The following GRM8 variants were observed in gnomAD, a reference collection of about 807,000 sequenced individuals.
GRM8 encodes the protein metabotropic glutamate receptor 8.
Under a neutral mutation model 87.2 loss-of-function variants are expected in GRM8, and 47 were observed. That is an observed-to-expected ratio of 0.54 (90% CI 0.43 to 0.69). The LOEUF is 0.69. Among genes scored for constraint, GRM8 ranks in the 30% least tolerant of loss-of-function variants. The pLI is 0.00. For synonymous variants in GRM8, 396 were observed against 404.5 expected (o/e 0.98, Z 0.25); for missense variants, 1,019 against 1,139.2 (o/e 0.89, Z 1.52).
chr7:126,763,568 CAT>C (rs917325127), intron 7 of GRM8, among the ~76,000 whole-genome samples: 225 of 150,630 alleles, frequency 1.5e-3, no homozygotes, highest in Non-Finnish European at 2.3e-3. Context: ...TCATTTATCA[CAT>C]GTCTATTTTG....
At chr7:126,772,918 G>A (rs1164356827) in intron 6 of GRM8, among the ~76,000 whole-genome samples, 2 of 152,038 alleles carry the variant, frequency 1.3e-5, no homozygotes, top group Non-Finnish European at 2.9e-5. Context: ...ATGTCAGAGG[G>A]CTAATTTAAT....
chr7:126,983,185 A>G (rs1400024651), intron 3 of GRM8, among the ~76,000 whole-genome samples: 1 of 152,084 alleles, frequency 6.6e-6, no homozygotes, highest in Non-Finnish European at 1.5e-5. Context: ...TGGAACTAAG[A>G]CTTCTAGGCC....
chr7:126,910,836 G>A (rs1179489088), intron 3 of GRM8, among the ~76,000 whole-genome samples: 2 of 152,134 alleles, frequency 1.3e-5, no homozygotes, highest in East Asian at 3.9e-4. Context: ...TGTATGTATT[G>A]ATTTGCTAGT....
chr7:126,613,582 C>T (rs984948660), intron 7 of GRM8, among the ~76,000 whole-genome samples: 7 of 152,172 alleles, frequency 4.6e-5, no homozygotes, highest in Admixed American at 2.0e-4. Flanking sequence ...GGCGAGGCAT[C>T]GCCTCACCCG....
At chr7:127,032,891 A>G (rs1443707790) in intron 3 of GRM8, among the ~76,000 whole-genome samples, 1 of 152,016 alleles carries the variant, frequency 6.6e-6, no homozygotes, top group African/African-American at 2.4e-5. Context: ...TGAATTGAAA[A>G]GCATCTTTTG....
intron 3 of GRM8, among the ~76,000 whole-genome samples, chr7:127,085,147 C>T (rs920950774): frequency 6.6e-6 from 1 of 152,138 alleles, no homozygotes; most frequent in African/African-American, 2.4e-5. Flanking sequence ...TGAACTCATC[C>T]TTTTTTATGG....
At chr7:126,905,244 G>A (rs1802556943) in intron 3 of GRM8, among the ~76,000 whole-genome samples, 1 of 152,152 alleles carries the variant, frequency 6.6e-6, no homozygotes, top group Non-Finnish European at 1.5e-5. Flanking sequence ...CCCCAAAGAT[G>A]CCAACTTTGG....
chr7:126,888,400 A>AAAAACC (rs1800695574), intron 6 of GRM8, among the ~76,000 whole-genome samples: 1 of 152,086 alleles, frequency 6.6e-6, no homozygotes, highest in Non-Finnish European at 1.5e-5. Context: ...ACTGAATCAG[A>AAAAACC]GAAACCGAAA....
chr7:126,948,726 C>T (rs1183852761), intron 3 of GRM8, among the ~76,000 whole-genome samples: 1 of 152,132 alleles, frequency 6.6e-6, no homozygotes, highest in African/African-American at 2.4e-5. Flanking sequence ...TGCCATTCAT[C>T]ATCAATGACG....
chr7:126,708,784 G>T (rs1376813663), intron 7 of GRM8, among the ~76,000 whole-genome samples: 1 of 152,092 alleles, frequency 6.6e-6, no homozygotes, highest in East Asian at 1.9e-4. Flanking sequence ...GAGTACAATG[G>T]TGGTTACACC....
chr7:127,047,767 G>A (rs1819084225), intron 3 of GRM8, among the ~76,000 whole-genome samples: 1 of 152,164 alleles, frequency 6.6e-6, no homozygotes, highest in Non-Finnish European at 1.5e-5. Context: ...AGAGGTTGAG[G>A]TTAAGGCTGT....
At chr7:126,497,952 T>C (rs776276153) in intron 9 of GRM8, among the ~76,000 whole-genome samples, 3 of 151,920 alleles carry the variant, frequency 2.0e-5, no homozygotes, top group Admixed American at 6.6e-5. Context: ...AAGGGAATAA[T>C]TGGAGTGCAA....
chr7:126,536,888 T>A (rs1335858972), intron 8 of GRM8, among the ~76,000 whole-genome samples: 2 of 152,038 alleles, frequency 1.3e-5, no homozygotes, highest in Non-Finnish European at 2.9e-5. Context: ...ATTGGAAACA[T>A]TAAACTTCAA....
At chr7:126,969,312 T>C (rs1325587527) in intron 3 of GRM8, among the ~76,000 whole-genome samples, 1 of 152,184 alleles carries the variant, frequency 6.6e-6, no homozygotes, top group Admixed American at 6.5e-5. Flanking sequence ...TGTGATGCTG[T>C]TACAGCATTT....
intron 6 of GRM8, among the ~76,000 whole-genome samples, chr7:126,825,766 A>G (rs1192737927): frequency 1.3e-5 from 2 of 152,204 alleles, no homozygotes; most frequent in African/African-American, 4.8e-5. Context: ...CAGGTGCACA[A>G]TGTGCAGGTT....
chr7:126,911,701 C>G (rs1180238999), intron 3 of GRM8, among the ~76,000 whole-genome samples: 1 of 152,162 alleles, frequency 6.6e-6, no homozygotes, highest in African/African-American at 2.4e-5. Context: ...AGAAATCCAG[C>G]TGGCTGTGGC....
At chr7:127,224,035 G>C (rs1283834607) in intron 2 of GRM8, among the ~76,000 whole-genome samples, 1 of 151,710 alleles carries the variant, frequency 6.6e-6, no homozygotes. Context: ...AATAAATTAG[G>C]CTGGGGAAAA....
At chr7:127,209,466 T>C (rs975643423) in intron 2 of GRM8, among the ~76,000 whole-genome samples, 2 of 152,190 alleles carry the variant, frequency 1.3e-5, no homozygotes, top group Non-Finnish European at 2.9e-5. Flanking sequence ...CTACCTGGTC[T>C]CCAGCTCCAT....
chr7:126,768,356 G>GAAAAAA (rs1221529800), intron 7 of GRM8, among the ~76,000 whole-genome samples: 1 of 5,446 alleles, frequency 1.8e-4, no homozygotes, highest in Non-Finnish European at 4.7e-4. Context: ...CTTTGATAAT[G>GAAAAAA]TAAAAAAAAA....
Sources: gnomAD v4.1 joint callset for allele counts (sites outside exome capture counted in the v4.1 genomes callset) on GRCh38, gnomAD v4.1.1 for gene constraint, MANE v1.5 for transcripts, NCBI Gene and HGNC (gene_info 2026-07-23, HGNC 2026-07-21) for gene names.